ERP44: variants seen among roughly 807,000 people sequenced by gnomAD.
The protein encoded by ERP44 is endoplasmic reticulum protein 44.
Under a neutral mutation model 53.4 loss-of-function variants are expected in ERP44, and 25 were observed. The ratio of observed to expected loss-of-function variants is 0.47; its 90% CI spans 0.34 to 0.65. The LOEUF (loss-of-function observed/expected upper bound fraction) is 0.65. Ranked by LOEUF, ERP44 falls within the 30% of genes least tolerant of loss-of-function variation. The probability of loss-of-function intolerance (pLI) is 0.01; values close to 1 mark genes in which losing one functional copy is unlikely to be tolerated. For synonymous variants in ERP44, 145 were observed against 161.2 expected, an observed-to-expected ratio of 0.90 and a Z score of 0.76; for missense variants, 338 against 493.2, an observed-to-expected ratio of 0.69 and a Z score of 2.98.
In ERP44 at chr9:100,006,498, A is replaced by G. The variant is rs1204433103; in HGVS notation, c.1016+8T>C. ...CAGTAATTTTTAAAAAACAAAATGAATACTCACAATACATCTTTGAAGTCT... is the reference window on the plus strand; with the variant it reads ...CAGTAATTTTTAAAAAACAAAATGAGTACTCACAATACATCTTTGAAGTCT... On this transcript the variant is annotated splice_region_variant and intron_variant, in intron 10 of 11. Transcript: ENST00000262455. The G allele has an allele frequency of 6.3e-7, 1 of 1,588,812 alleles. No individual in the cohort carries two copies. The highest frequency in any genetic ancestry group is 2.2e-5 in the East Asian group (1 of 44,592).
intron 1 of ERP44, among the ~76,000 whole-genome samples, chr9:100,081,641 C>A (rs1826425768): frequency 6.6e-6 from 1 of 152,016 alleles, no homozygotes; most frequent in Non-Finnish European, 1.5e-5. Context: ...AACAGCATTC[C>A]TGATTTAAAA....
In ERP44 at chr9:100,030,308, T is replaced by C. The variant is rs1050914913; in HGVS notation, c.287-8082A>G. Among the ~76,000 whole-genome samples, 5 of 152,174 alleles carry C rather than the reference T, an allele frequency of 3.3e-5. No individual in the cohort carries two copies. In the East Asian group the frequency reaches 7.7e-4, roughly 24 times the overall value. Reference sequence around the variant, plus strand: ...CTGGTAATATCCTCCTGGTGAACCATGGAGGGACGATATTGAGGAAACCCC... The same window carrying C: ...CTGGTAATATCCTCCTGGTGAACCACGGAGGGACGATATTGAGGAAACCCC... On this transcript the variant is annotated intron_variant, in intron 4 of 11. Transcript: ENST00000262455.
chr9:100,048,692 T>C (rs752116414), intron 4 of ERP44, among the ~76,000 whole-genome samples: 1 of 152,224 alleles, frequency 6.6e-6, no homozygotes, highest in East Asian at 1.9e-4. Context: ...CCTTAAAAAG[T>C]AGGGAAATTC....
intron 1 of ERP44, among the ~76,000 whole-genome samples, chr9:100,080,480 C>CTAAG (rs1435912610): frequency 1.3e-5 from 2 of 152,014 alleles, no homozygotes; most frequent in African/African-American, 4.8e-5. Flanking sequence ...ACTGCACCAG[C>CTAAG]TAAGGCCTGA....
In ERP44 at chr9:100,052,273, G is replaced by A. The variant is rs575173566; in HGVS notation, c.286+144C>T. 1.2e-4 allele frequency: 50 copies of A among 417,850 alleles called. No homozygotes were observed. In the East Asian group the frequency reaches 1.7e-3, roughly 14 times the overall value. 25.9% of individuals were successfully genotyped at this position (417,850 alleles called of 1,614,324 possible). A position where few individuals can be genotyped will look rare whatever the true frequency, so the allele number is the denominator to read the frequency against. ...TAACCAAGGTCACTAGAACCTTTTCGGTTTGTTCTCCACTTAAAAGCAGAG... is the reference window on the plus strand; with the variant it reads ...TAACCAAGGTCACTAGAACCTTTTCAGTTTGTTCTCCACTTAAAAGCAGAG... On this transcript the variant is annotated intron_variant, in intron 4 of 11. Coordinates refer to ENST00000262455, the MANE Select transcript of ERP44 (RefSeq NM_015051.3).
At chr9:100,087,717 G>A (rs1201879835) in intron 1 of ERP44, among the ~76,000 whole-genome samples, 1 of 152,054 alleles carries the variant, frequency 6.6e-6, no homozygotes, top group African/African-American at 2.4e-5. Context: ...CTAAGCATGT[G>A]GTATCTTTTC....
rs1830144294 is a variant in ERP44, at chr9:99,981,134, G to C, written c.*1478C>G. On this transcript the variant is annotated 3_prime_UTR_variant, in exon 12 of 12. Coordinates refer to ENST00000262455, the MANE Select transcript of ERP44 (RefSeq NM_015051.3). ...AAAGCAATGAGGATAACAGAACTAAGGCCCAACCTCTAGAAAGCTCCATCC... is the reference window on the plus strand; with the variant it reads ...AAAGCAATGAGGATAACAGAACTAACGCCCAACCTCTAGAAAGCTCCATCC... 1 of 151,930 alleles carries C rather than the reference G, an allele frequency of 6.6e-6. No homozygotes were observed. 9.4% of individuals were successfully genotyped at this position (151,930 alleles called of 1,614,324 possible).
At chr9:100,013,318 G>T (rs75999451) in intron 8 of ERP44, among the ~76,000 whole-genome samples, 3,971 of 151,828 alleles carry the variant, frequency 0.026, 71 homozygotes, top group Non-Finnish European at 0.038. Context: ...GCATTCTGGA[G>T]TAATAATGGA....
In ERP44 at chr9:100,033,460, C is replaced by T. The variant is rs149836042; in HGVS notation, c.287-11234G>A. On this transcript the variant is annotated intron_variant, in intron 4 of 11. Transcript: ENST00000262455. ...TCACAGGTATTTGAGGATACAAACC[C>T]ATGGCTGGGCTCAACTTTTTAAAAA... Among the ~76,000 whole-genome samples, 320 of 152,342 alleles carry T rather than the reference C, an allele frequency of 2.1e-3. 1 individual carries two copies. Among genetic ancestry groups the T allele is most frequent in the African/African-American group, 7.4e-3 (306 of 41,576 alleles).
intron 10 of ERP44, among the ~76,000 whole-genome samples, chr9:100,005,275 G>A (rs1830415675): frequency 6.6e-6 from 1 of 152,148 alleles, no homozygotes; most frequent in Admixed American, 6.5e-5. Context: ...GTACTACTCT[G>A]TTGATCTCTG....
At chr9:100,028,264 T>C (rs7027414) in intron 4 of ERP44, among the ~76,000 whole-genome samples, 101,785 of 152,026 alleles carry the variant, frequency 0.67, 35,131 homozygotes, top group East Asian at 0.91. Flanking sequence ...AGCATATGAA[T>C]GCCTCTTGCT....
chr9:100,005,637 T>C (rs569420225), intron 10 of ERP44, among the ~76,000 whole-genome samples: 84 of 152,312 alleles, frequency 5.5e-4, no homozygotes, highest in Non-Finnish European at 1.0e-3. Context: ...GTAAGTGACT[T>C]TCCCAAGGCT....
chr9:100,006,485 A>G (rs1462680584), intron 10 of ERP44, 21 bp downstream of exon 10: 2 of 1,573,892 alleles, frequency 1.3e-6, no homozygotes, highest in Admixed American at 1.8e-5. Flanking sequence ...GTAATTTTTA[A>G]AAAACAAAAT....
chr9:100,062,125 C>T (rs1254560641), intron 1 of ERP44, among the ~76,000 whole-genome samples: 2 of 152,138 alleles, frequency 1.3e-5, no homozygotes, highest in Non-Finnish European at 2.9e-5. Flanking sequence ...AACAGTTTCC[C>T]CAGTTTATTA....
chr9:100,008,433 T>C (rs1271643869), intron 8 of ERP44, among the ~76,000 whole-genome samples: 1 of 152,234 alleles, frequency 6.6e-6, no homozygotes, highest in African/African-American at 2.4e-5. Context: ...TAAAATGTGA[T>C]ATGTAGACAG....
intron 3 of ERP44, among the ~76,000 whole-genome samples, chr9:100,053,180 T>C (rs1334615728): frequency 6.6e-6 from 1 of 152,200 alleles, no homozygotes; most frequent in African/African-American, 2.4e-5. Flanking sequence ...ATATGGTATA[T>C]AATTAACTAT....
At chr9:100,082,007 C>T (rs145136742) in intron 1 of ERP44, among the ~76,000 whole-genome samples, 150 of 151,134 alleles carry the variant, frequency 9.9e-4, no homozygotes, top group Non-Finnish European at 1.9e-3. Context: ...TACACACACA[C>T]AAAACAACTA....
chr9:100,030,553 A>T (rs1290611786), intron 4 of ERP44, among the ~76,000 whole-genome samples: 2 of 152,172 alleles, frequency 1.3e-5, no homozygotes, highest in Non-Finnish European at 2.9e-5. Flanking sequence ...ACTTCCTAAA[A>T]TTTAGGGAGT....
At chr9:99,999,152 G>C (rs1241135748) in intron 10 of ERP44, 1 of 559,426 alleles carries the variant, frequency 1.8e-6, no homozygotes, top group Admixed American at 3.2e-5. Flanking sequence ...TGGGAGGCCA[G>C]GGCTCCGCCC....
Sources: gnomAD v4.1 joint callset for allele counts (sites outside exome capture counted in the v4.1 genomes callset) on GRCh38, gnomAD v4.1.1 for gene constraint, MANE v1.5 for transcripts, NCBI Gene and HGNC (gene_info 2026-07-23, HGNC 2026-07-21) for gene names.